Variants in NRXN2 observed in about 807,000 individuals in gnomAD.
The protein encoded by NRXN2 is neurexin-2-beta.
A neutral mutation model predicts 128.8 loss-of-function variants in NRXN2; 29 were observed. The ratio of observed to expected loss-of-function variants is 0.23; its 90% CI spans 0.17 to 0.31. The LOEUF (loss-of-function observed/expected upper bound fraction) is 0.31. Ranked by LOEUF, NRXN2 falls within the 10% of genes least tolerant of loss-of-function variation. NRXN2 has a pLI of 1.00. For synonymous variants in NRXN2, 1,098 were observed against 1,075.2 expected (o/e 1.02, Z -0.41); for missense variants, 1,881 against 2,452.6 (o/e 0.77, Z 4.92).
rs2039847601 is a variant in NRXN2 at position 64,607,619 on chromosome 11, C to T, written c.4716G>A (p.Gln1572=). The change falls in exon 23 of 23, where the codon CAG becomes CAA. Residue 1572 remains glutamine (Q), a synonymous_variant. Transcript: ENST00000265459. ...CCAAGGGCGGGTTCTCCAGCAAGGG[C>T]TGAAGCGGGTCTCGGTGGTTCATTT... is the stretch of plus-strand genomic sequence containing the variant. The part of the protein sequence containing the change: ...AGKMNHRDPL[Q]PLLENPPLGP... 1 of 1,535,460 alleles carries T rather than the reference C, an allele frequency of 6.5e-7. No homozygotes were observed. The highest frequency in any genetic ancestry group is 1.4e-5 in the African/African-American group (1 of 72,712).
At chr11:64,645,636 C>T (rs2046535137) in intron 17 of NRXN2, among the ~76,000 whole-genome samples, 1 of 152,136 alleles carries the variant, frequency 6.6e-6, no homozygotes, top group Admixed American at 6.5e-5. Context: ...CCTGTCTTCC[C>T]AGAGCAGACA....
rs1256081380 is a variant in NRXN2, at chr11:64,651,568, G to A, written c.2605C>T (p.Arg869Trp). The change falls in exon 14 of 23, where the codon CGG becomes TGG. Residue 869 changes from arginine to tryptophan, a missense_variant. Arg to Trp is a moderately radical substitution (Grantham distance 101). Transcript: ENST00000265459. This position sits in a 1 kb window ranked among gnomAD's most constrained non-coding sequence, Gnocchi z 5.9. ...TTGGAGGGCACCACGGAGATAAACC[G>A]CCGCTCCGTCATGATGCCCGTCTCA... ...NIETGIMTER[R>W]FISVVPSNFI... is the part of the protein sequence containing the mutation. The A allele has an allele frequency of 6.8e-6, 11 of 1,614,106 alleles. No individual in the cohort carries two copies. Among genetic ancestry groups the A allele is most frequent in the Non-Finnish European group, 8.5e-6 (10 of 1,180,012 alleles).
At chr11:64,661,850 C>T (rs1414307598) in intron 9 of NRXN2, among the ~76,000 whole-genome samples, 1 of 152,128 alleles carries the variant, frequency 6.6e-6, no homozygotes, top group Admixed American at 6.5e-5. Flanking sequence ...GCCCACTCTG[C>T]GGCCAGCAAG....
At chr11:64,638,042 G>A (rs1027626023) in intron 17 of NRXN2, among the ~76,000 whole-genome samples, 5 of 152,158 alleles carry the variant, frequency 3.3e-5, no homozygotes, top group African/African-American at 1.2e-4. Flanking sequence ...GACAGGAGGC[G>A]AAGCAGCCAG....
intron 2 of NRXN2, among the ~76,000 whole-genome samples, chr11:64,711,750 A>G (rs148441106): frequency 6.6e-6 from 1 of 152,260 alleles, no homozygotes; most frequent in Non-Finnish European, 1.5e-5. Flanking sequence ...TCTGTCATCA[A>G]GAGAGACTAT....
rs1191368104 is a variant in NRXN2, at chr11:64,651,768, C to A, written c.2537-132G>T. The A allele has an allele frequency of 7.4e-6, 8 of 1,087,596 alleles. No homozygotes were observed. The highest frequency in any genetic ancestry group is 8.0e-6 in the Non-Finnish European group (6 of 747,150). 67.4% of individuals were successfully genotyped at this position (1,087,596 alleles called of 1,614,324 possible). Reference sequence around the variant, plus strand: ...CTTTAGAGATGTCCTCGGCTAGGCACTAGCAGCCAGCACAGCTCCAAGAGG... The same window carrying A: ...CTTTAGAGATGTCCTCGGCTAGGCAATAGCAGCCAGCACAGCTCCAAGAGG... On this transcript the variant is annotated intron_variant, in intron 13 of 22. Coordinates refer to ENST00000265459, the MANE Select transcript of NRXN2 (RefSeq NM_015080.4). The surrounding 1 kb of genome is among the most constrained non-coding windows in gnomAD (Gnocchi z 5.9).
chr11:64,684,600 T>G (rs944102879), intron 6 of NRXN2, among the ~76,000 whole-genome samples: 3 of 151,084 alleles, frequency 2.0e-5, no homozygotes, highest in African/African-American at 7.3e-5. Flanking sequence ...TGAGAACAGG[T>G]AGGAAGAGTG....
intron 3 of NRXN2, among the ~76,000 whole-genome samples, chr11:64,696,775 T>C (rs1449976668): frequency 1.3e-5 from 2 of 152,030 alleles, no homozygotes; most frequent in East Asian, 3.9e-4. Context: ...CCACTCCACC[T>C]TCCCAGGAGA....
rs79050450 is a variant in NRXN2 at position 64,682,876 on chromosome 11, G to A, written c.1152+2770C>T. On this transcript the variant is annotated intron_variant, in intron 6 of 22. Transcript: ENST00000265459. The stretch of plus-strand genomic sequence containing the variant: ...ATTTGAAAGGAGAGAGAGGAGAGAA[G>A]GAGACACTGTCTCATCAGGTGCCCC... Among the ~76,000 whole-genome samples, 1,186 of 152,222 alleles carry A rather than the reference G, an allele frequency of 7.8e-3. 14 individuals carry two copies. Among genetic ancestry groups the A allele is most frequent in the African/African-American group, 0.026 (1,070 of 41,542 alleles).
At chr11:64,702,489 C>G (rs2055619489) in intron 2 of NRXN2, among the ~76,000 whole-genome samples, 1 of 151,778 alleles carries the variant, frequency 6.6e-6, no homozygotes, top group Non-Finnish European at 1.5e-5. Context: ...TCCTGTTGAT[C>G]GGTGACCTTA....
intron 11 of NRXN2, among the ~76,000 whole-genome samples, chr11:64,658,640 T>C (rs1284777586): frequency 6.6e-6 from 1 of 152,212 alleles, no homozygotes; most frequent in Non-Finnish European, 1.5e-5. Flanking sequence ...TATAAATACA[T>C]TTACAAGGCA....
Position 64,685,791 on chromosome 11 carries a change from T to C in NRXN2, c.1007A>G (p.Tyr336Cys). The C allele has an allele frequency of 6.2e-7, 1 of 1,614,200 alleles. No individual in the cohort carries two copies. The highest frequency in any genetic ancestry group is 8.5e-7 in the Non-Finnish European group (1 of 1,180,034). Reference sequence around the variant, plus strand: ...CCCAGACTTGAGGGACAGGTTGACGTAGTCGGCCGACTTGCCTGTATGCAG... The same window carrying C: ...CCCAGACTTGAGGGACAGGTTGACGCAGTCGGCCGACTTGCCTGTATGCAG... ...LMLHTGKSAD[Y>C]VNLSLKSGAV... is the part of the protein sequence containing the mutation. Residue 336 changes from tyrosine (Y) to cysteine (C), a missense_variant, in exon 6 of 23, where the codon TAC becomes TGC. Coordinates refer to ENST00000265459, the MANE Select transcript of NRXN2 (RefSeq NM_015080.4).
At chr11:64,672,313 T>C (rs1010392941) in intron 7 of NRXN2, among the ~76,000 whole-genome samples, 1 of 152,212 alleles carries the variant, frequency 6.6e-6, no homozygotes, top group Non-Finnish European at 1.5e-5. Context: ...GTCCTGGCCA[T>C]AAATAACTCC....
rs2043782239 is a variant in NRXN2, at chr11:64,630,714, G to A, written c.3586-141C>T. The stretch of plus-strand genomic sequence containing the variant: ...AGGTCTCAACCGCTGGAGGAGGTGG[G>A]CAGGCTCGCTCCCCTTCCCCACATG... On this transcript the variant is annotated intron_variant, in intron 18 of 22. Transcript: ENST00000265459. The surrounding 1 kb of genome is among the most constrained non-coding windows in gnomAD (Gnocchi z 4.6). 3.1e-6 allele frequency: 3 copies of A among 953,776 alleles called. No homozygotes were observed. Among genetic ancestry groups the A allele is most frequent in the African/African-American group, 1.6e-5 (1 of 61,964 alleles). 59.1% of individuals were successfully genotyped at this position (953,776 alleles called of 1,614,324 possible).
At chr11:64,639,692 G>A (rs2045363566) in intron 17 of NRXN2, among the ~76,000 whole-genome samples, 1 of 152,024 alleles carries the variant, frequency 6.6e-6, no homozygotes, top group Non-Finnish European at 1.5e-5. Flanking sequence ...GAAGAGTTGG[G>A]GGGGATGGCA....
chr11:64,642,440 C>G (rs2045837483), intron 17 of NRXN2: 1 of 1,450,878 alleles, frequency 6.9e-7, no homozygotes, highest in Non-Finnish European at 9.1e-7. Flanking sequence ...GCTCGGCGTG[C>G]ACAGCTGGGG....
intron 20 of NRXN2, among the ~76,000 whole-genome samples, chr11:64,624,234 GAC>G (rs2042774901): frequency 6.6e-6 from 1 of 152,200 alleles, no homozygotes; most frequent in Admixed American, 6.5e-5. Flanking sequence ...CCGGGCTGAG[GAC>G]AGTCCAACTT....
At chr11:64,669,728 G>C (rs972606214) in intron 7 of NRXN2, among the ~76,000 whole-genome samples, 2 of 152,176 alleles carry the variant, frequency 1.3e-5, no homozygotes, top group Non-Finnish European at 2.9e-5. Context: ...CACCCAGAAA[G>C]GTTGTGGGAG....
intron 22 of NRXN2, among the ~76,000 whole-genome samples, chr11:64,616,219 G>A (rs952796236): frequency 6.6e-6 from 1 of 152,152 alleles, no homozygotes; most frequent in Non-Finnish European, 1.5e-5. Flanking sequence ...ATGCCTCTGG[G>A]GGTTGGACAC....
Sources: allele counts gnomAD v4.1 joint callset (sites outside exome capture counted in the v4.1 genomes callset), GRCh38; gene constraint gnomAD v4.1.1; non-coding constraint Gnocchi (gnomAD v3.1); transcripts MANE v1.5; gene names NCBI Gene and HGNC (gene_info 2026-07-23, HGNC 2026-07-21).